SLC23A2: variants seen among roughly 807,000 people sequenced by gnomAD.
SLC23A2 encodes the protein Na(+)/L-ascorbic acid transporter 2.
In SLC23A2, 36 loss-of-function variants were observed where a neutral mutation model predicts 73.3. That is an observed-to-expected ratio of 0.49 (90% CI 0.38 to 0.65). The LOEUF is 0.65. Among genes scored for constraint, SLC23A2 ranks in the 30% least tolerant of loss-of-function variants. The pLI is 0.00. For missense variants in SLC23A2, 507 were observed against 841.6 expected (o/e 0.60, Z 4.92); for synonymous variants, 343 against 327.3 (o/e 1.05, Z -0.52).
At chr20:4,858,958 C>T (rs1262862126) in intron 16 of SLC23A2, among the ~76,000 whole-genome samples, 1 of 152,178 alleles carries the variant, frequency 6.6e-6, no homozygotes, top group Non-Finnish European at 1.5e-5. Context: ...ATGAAACCCA[C>T]ACTGCAGGGC....
chr20:4,896,981 G>C (rs1931551973), intron 6 of SLC23A2, among the ~76,000 whole-genome samples: 1 of 152,198 alleles, frequency 6.6e-6, no homozygotes. Context: ...GGAGCCTGCA[G>C]GGCCTGTCTC....
intron 6 of SLC23A2, among the ~76,000 whole-genome samples, chr20:4,892,172 C>A (rs1199996696): frequency 6.6e-6 from 1 of 152,294 alleles, no homozygotes; most frequent in African/African-American, 2.4e-5. Context: ...CATCCAAGGA[C>A]TCAGTGCAGC....
At chr20:4,880,954 T>C (rs993840320) in intron 9 of SLC23A2, among the ~76,000 whole-genome samples, 3 of 152,178 alleles carry the variant, frequency 2.0e-5, no homozygotes, top group South Asian at 2.1e-4. Context: ...GAGGAATCAA[T>C]GGCCAAGGGC....
Position 4,862,173 on chromosome 20 carries a change from C to T in SLC23A2, c.1487-88G>A, listed in dbSNP as rs138063175. 7.5e-7 allele frequency: 1 copy of T among 1,338,386 alleles called. No homozygotes were observed. Among genetic ancestry groups the T allele is most frequent in the South Asian group, 1.3e-5 (1 of 76,040 alleles). The allele number at this position is 1,338,386 out of a possible 1,614,324, so 82.9% of individuals were successfully genotyped here. A position where few individuals can be genotyped will look rare whatever the true frequency, so the allele number is the denominator to read the frequency against. ...GGTGAGGGCAGGCTCCCTGGCACCCCTTCTCTGTCCAACAGAAACCAATGA... is the reference window on the plus strand; with the variant it reads ...GGTGAGGGCAGGCTCCCTGGCACCCTTTCTCTGTCCAACAGAAACCAATGA... On this transcript the variant is annotated intron_variant, in intron 14 of 16. Transcript: ENST00000338244. The surrounding 1 kb of genome is among the most constrained non-coding windows in gnomAD (Gnocchi z 5.1).
intron 2 of SLC23A2, among the ~76,000 whole-genome samples, chr20:4,935,577 T>A (rs1180971692): frequency 6.6e-6 from 1 of 152,100 alleles, no homozygotes; most frequent in Non-Finnish European, 1.5e-5. Flanking sequence ...GGCAGGCGGA[T>A]CACGAGGTCA....
intron 2 of SLC23A2, among the ~76,000 whole-genome samples, chr20:4,945,782 T>A (rs1207130778): frequency 6.6e-6 from 1 of 152,122 alleles, no homozygotes; most frequent in Non-Finnish European, 1.5e-5. Context: ...AGTCTGCAAG[T>A]CACTGATGGA....
intron 2 of SLC23A2, among the ~76,000 whole-genome samples, chr20:4,966,784 T>C (rs2681113): frequency 0.54 from 80,600 of 149,248 alleles, 22,027 homozygotes; most frequent in Admixed American, 0.58. Context: ...TCACATCCTA[T>C]GGATGTGTAA....
chr20:4,943,893 C>T (rs1338423183), intron 2 of SLC23A2, among the ~76,000 whole-genome samples: 1 of 152,130 alleles, frequency 6.6e-6, no homozygotes, highest in Non-Finnish European at 1.5e-5. Flanking sequence ...GGGAGCTGCA[C>T]AGACATTTCG....
At position 4,973,735 on chromosome 20, in the gene SLC23A2, C is replaced by A. The variant is rs992631387; in HGVS notation, c.-281-2816G>T. ...GTCCTTTGCACGCAAGGCTACGGGG[C>A]TGAGATCAAAGCCTGGGCGCTGCGG... On this transcript the variant is annotated intron_variant, in intron 1 of 16. Coordinates refer to ENST00000338244, the MANE Select transcript of SLC23A2 (RefSeq NM_005116.6). 3.3e-5 allele frequency among the ~76,000 whole-genome samples: 5 copies of A among 152,282 alleles called. No individual in the cohort carries two copies. The East Asian group carries it at 9.7e-4, about 29-fold the overall frequency.
intron 1 of SLC23A2, among the ~76,000 whole-genome samples, chr20:5,001,009 G>A (rs1017224050): frequency 3.9e-5 from 6 of 152,184 alleles, no homozygotes; most frequent in Non-Finnish European, 7.3e-5. Context: ...AGCGACCCCA[G>A]GACGCGCGGG....
chr20:4,973,613 T>C (rs1416059512), intron 1 of SLC23A2, among the ~76,000 whole-genome samples: 1 of 152,216 alleles, frequency 6.6e-6, no homozygotes, highest in Non-Finnish European at 1.5e-5. Flanking sequence ...AAAACAAGAC[T>C]GAGCTATCAG....
chr20:4,949,906 T>C (rs1235539282), intron 2 of SLC23A2, among the ~76,000 whole-genome samples: 16 of 152,202 alleles, frequency 1.1e-4, no homozygotes, highest in Admixed American at 1.0e-3. Flanking sequence ...CACCCACCAC[T>C]TCTGTGCCGG....
intron 3 of SLC23A2, among the ~76,000 whole-genome samples, chr20:4,915,887 G>A (rs898852722): frequency 1.3e-5 from 2 of 152,198 alleles, no homozygotes; most frequent in South Asian, 2.1e-4. Context: ...GGTGGAGGTT[G>A]CAGTGAGCCG....
chr20:4,905,737 G>A (rs956689655), intron 4 of SLC23A2, among the ~76,000 whole-genome samples: 13 of 152,152 alleles, frequency 8.5e-5, no homozygotes, highest in African/African-American at 3.1e-4. Context: ...CTGCAGCACA[G>A]TCAGCACATA....
At chr20:4,869,789 G>A (rs774969636) in intron 12 of SLC23A2, 117 bp downstream of exon 12, 1 of 864,768 alleles carries the variant, frequency 1.2e-6, no homozygotes, top group Non-Finnish European at 1.8e-6. Context: ...CTAGAGTCCT[G>A]CTGCTTGGCT....
chr20:4,970,381 G>T (rs1231943936), intron 2 of SLC23A2, among the ~76,000 whole-genome samples: 1 of 152,118 alleles, frequency 6.6e-6, no homozygotes. Flanking sequence ...AACGTACAAA[G>T]GTAAGGTCAA....
At chr20:4,884,326 C>T (rs1425607019) in intron 8 of SLC23A2, among the ~76,000 whole-genome samples, 1 of 152,234 alleles carries the variant, frequency 6.6e-6, no homozygotes, top group Admixed American at 6.5e-5. Context: ...AATACACTGT[C>T]AGCCGTACTT....
At chr20:4,993,334 C>T (rs1213821987) in intron 1 of SLC23A2, among the ~76,000 whole-genome samples, 23 of 142,120 alleles carry the variant, frequency 1.6e-4, no homozygotes, top group Non-Finnish European at 3.3e-4. Flanking sequence ...GAAACGCTCA[C>T]TGAAGCATTC....
chr20:4,857,492 T>C lies in SLC23A2; in HGVS notation c.1721-288A>G, dbSNP rs898846256. On this transcript the variant is annotated intron_variant, in intron 16 of 16. Transcript: ENST00000338244. The surrounding 1 kb of genome is among the most constrained non-coding windows in gnomAD (Gnocchi z 4.0). The stretch of plus-strand genomic sequence containing the variant: ...ACCTAATGACCTTCTGACCTCCCTA[T>C]CCTTCTATGTGACCCATATTCTCAA... Among the ~76,000 whole-genome samples the C allele has an allele frequency of 2.6e-5, 4 of 152,158 alleles. No individual in the cohort carries two copies. Among genetic ancestry groups the C allele is most frequent in the African/African-American group, 9.7e-5 (4 of 41,430 alleles).
Sources: gnomAD v4.1 joint callset for allele counts (sites outside exome capture counted in the v4.1 genomes callset) on GRCh38, gnomAD v4.1.1 for gene constraint, Gnocchi (gnomAD v3.1) non-coding constraint, MANE v1.5 for transcripts, NCBI Gene and HGNC (gene_info 2026-07-23, HGNC 2026-07-21) for gene names.